Variants in SUGCT observed in about 807,000 individuals in gnomAD.
The protein encoded by SUGCT is succinyl-CoA:glutarate-CoA transferase.
In SUGCT, 41 loss-of-function variants were observed where a neutral mutation model predicts 55.0. That is an observed-to-expected ratio of 0.74 (90% CI 0.58 to 0.97). The LOEUF (loss-of-function observed/expected upper bound fraction) is 0.97. Ranked by LOEUF, SUGCT falls within the 50% of genes least tolerant of loss-of-function variation. The pLI, the probability that SUGCT is intolerant of heterozygous loss-of-function variation, is 0.00. For missense variants in SUGCT, 568 were observed against 547.8 expected (o/e 1.04, Z -0.37); for synonymous variants, 187 against 200.4 (o/e 0.93, Z 0.56).
chr7:40,173,913 CTGTGTGTGTGTGTG>C (rs34789334), intron 1 of SUGCT, among the ~76,000 whole-genome samples: 4 of 143,982 alleles, frequency 2.8e-5, no homozygotes, highest in South Asian at 2.2e-4. Flanking sequence ...AATGTATATC[CTGTGTGTGTGTGTG>C]TGTGTGTGTG....
intron 12 of SUGCT, among the ~76,000 whole-genome samples, chr7:40,525,489 G>A (rs752327729): frequency 6.6e-6 from 1 of 152,044 alleles, no homozygotes; most frequent in Non-Finnish European, 1.5e-5. Context: ...GAAGTATAAA[G>A]GAAAAGGATT....
chr7:40,668,021 A>T lies in SUGCT; in HGVS notation c.1090-81413A>T, dbSNP rs185723822. 2.3e-3 allele frequency among the ~76,000 whole-genome samples: 345 copies of T among 152,322 alleles called. 2 individuals carry two copies. The highest frequency in any genetic ancestry group is 7.9e-3 in the African/African-American group (330 of 41,582). On this transcript the variant is annotated intron_variant, in intron 12 of 13. Coordinates refer to ENST00000335693, the MANE Select transcript of SUGCT (RefSeq NM_001193313.2). ...TATTCATAAAATTAGAACATTATAT[A>T]ATCATAATTAAAGCAATTATTTAAT...
intron 10 of SUGCT, among the ~76,000 whole-genome samples, chr7:40,457,227 G>C (rs1396899630): frequency 6.6e-6 from 1 of 151,942 alleles, no homozygotes; most frequent in Non-Finnish European, 1.5e-5. Context: ...ATCATTTGAG[G>C]TCAGGAGTTC....
chr7:40,652,342 G>T (rs1203718555), intron 12 of SUGCT, among the ~76,000 whole-genome samples: 1 of 152,140 alleles, frequency 6.6e-6, no homozygotes, highest in East Asian at 1.9e-4. Context: ...TCTATCAACA[G>T]AACAACTTAC....
At chr7:40,366,422 A>G (rs1583521781) in intron 9 of SUGCT, among the ~76,000 whole-genome samples, 2 of 152,218 alleles carry the variant, frequency 1.3e-5, no homozygotes, top group East Asian at 3.9e-4. Flanking sequence ...ATGGGATCTA[A>G]TTAAACTAAA....
chr7:40,860,491 G>A lies in SUGCT; in HGVS notation c.*12G>A. The A allele has an allele frequency of 1.2e-6, 2 of 1,605,940 alleles. No homozygotes were observed. The highest frequency in any genetic ancestry group is 1.7e-6 in the Non-Finnish European group (2 of 1,174,256). ...ATGAAACTCACTGACAAAGGAAAAG[G>A]GCTCTTCCTCATAACCTCGATCCGA... On this transcript the variant is annotated 3_prime_UTR_variant, in exon 14 of 14. Transcript: ENST00000335693.
At chr7:40,829,187 T>G (rs1469498694) in intron 13 of SUGCT, among the ~76,000 whole-genome samples, 1 of 152,058 alleles carries the variant, frequency 6.6e-6, no homozygotes, top group African/African-American at 2.4e-5. Context: ...TTCTAGAAAA[T>G]TCTGAATAAC....
At chr7:41,013,308 A>C in the SUGCT span, among the ~76,000 whole-genome samples, 15 of 152,312 alleles carry the variant, frequency 9.8e-5, no homozygotes, top group African/African-American at 3.6e-4. Context: ...CGTTCTTCTT[A>C]GTACATCATG....
intron 12 of SUGCT, among the ~76,000 whole-genome samples, chr7:40,542,813 G>A (rs2151622557): frequency 6.6e-6 from 1 of 152,282 alleles, no homozygotes; most frequent in South Asian, 2.1e-4. Flanking sequence ...CCCTGTTTAT[G>A]ACACTGATTC....
At chr7:40,703,783 C>G (rs570641176) in intron 12 of SUGCT, among the ~76,000 whole-genome samples, 1 of 152,222 alleles carries the variant, frequency 6.6e-6, no homozygotes, top group African/African-American at 2.4e-5. Context: ...GTTTGGGGGC[C>G]AAGGATTAGA....
chr7:40,383,840 G>A (rs939912035), intron 9 of SUGCT, among the ~76,000 whole-genome samples: 6 of 152,182 alleles, frequency 3.9e-5, no homozygotes, highest in Admixed American at 2.6e-4. Flanking sequence ...ACACTAAAAT[G>A]TGTGAAGTTG....
intron 12 of SUGCT, among the ~76,000 whole-genome samples, chr7:40,596,592 C>T (rs1244263822): frequency 6.6e-6 from 1 of 152,172 alleles, no homozygotes; most frequent in Non-Finnish European, 1.5e-5. Flanking sequence ...GAATGGGCCA[C>T]ACACTATGTG....
intron 13 of SUGCT, among the ~76,000 whole-genome samples, chr7:40,777,446 T>G (rs981516591): frequency 2.0e-5 from 3 of 151,802 alleles, no homozygotes; most frequent in African/African-American, 7.3e-5. Flanking sequence ...TATGTTTCCA[T>G]GGTGGGTTTT....
intron 13 of SUGCT, among the ~76,000 whole-genome samples, chr7:40,811,400 A>T (rs1165018889): frequency 6.6e-6 from 1 of 152,146 alleles, no homozygotes; most frequent in Non-Finnish European, 1.5e-5. Context: ...ATCCGTGAGT[A>T]TGGAATATTT....
At chr7:40,684,954 C>G (rs1418652051) in intron 12 of SUGCT, among the ~76,000 whole-genome samples, 1 of 152,158 alleles carries the variant, frequency 6.6e-6, no homozygotes, top group Non-Finnish European at 1.5e-5. Flanking sequence ...TCTTAGCCTC[C>G]CAAGTAGCTG....
At chr7:40,644,857 T>TTTGCG (rs1163495843) in intron 12 of SUGCT, among the ~76,000 whole-genome samples, 2 of 152,186 alleles carry the variant, frequency 1.3e-5, no homozygotes, top group African/African-American at 4.8e-5. Flanking sequence ...CCCGAGTTGC[T>TTTGCG]TTGCGAGCCC....
chr7:40,613,999 A>T (rs989741128), intron 12 of SUGCT, among the ~76,000 whole-genome samples: 2 of 152,170 alleles, frequency 1.3e-5, no homozygotes, highest in Non-Finnish European at 2.9e-5. Context: ...TTCGAATGTC[A>T]TATCTGTGCT....
chr7:40,233,493 A>G (rs1788840833), intron 6 of SUGCT, among the ~76,000 whole-genome samples: 1 of 152,138 alleles, frequency 6.6e-6, no homozygotes. Flanking sequence ...TGCTGGGATT[A>G]CAGGCGAGAG....
intron 7 of SUGCT, among the ~76,000 whole-genome samples, chr7:40,268,348 A>G (rs189242520): frequency 3.4e-4 from 52 of 152,352 alleles, no homozygotes; most frequent in African/African-American, 1.2e-3. Context: ...GGAATTATAT[A>G]ATATGCAGCC....
Sources: allele counts gnomAD v4.1 joint callset (sites outside exome capture counted in the v4.1 genomes callset), GRCh38; gene constraint gnomAD v4.1.1; transcripts MANE v1.5; gene names NCBI Gene and HGNC (gene_info 2026-07-23, HGNC 2026-07-21).